The following ZNF268 variants were observed in gnomAD, a reference collection of about 807,000 sequenced individuals.
The protein encoded by ZNF268 is zinc finger protein 3.
In ZNF268, 20 loss-of-function variants were observed where a neutral mutation model predicts 29.3. The observed-to-expected ratio is 0.68, with a 90% confidence interval of 0.48 to 0.99. ZNF268 has a LOEUF of 0.99. ZNF268 is among the 50% of genes least tolerant of loss of function. The pLI is 0.00. For synonymous variants in ZNF268, 429 were observed against 376.9 expected (o/e 1.14, Z -1.60); for missense variants, 1,240 against 1,121.6 (o/e 1.11, Z -1.51).
chr12:133,211,271 T>C lies in ZNF268; in HGVS notation c.*6741T>C. On this transcript the variant is annotated 3_prime_UTR_variant, in exon 6 of 6. Transcript: ENST00000536435. ...AATTAAAAATGGGGACAGATCCAAATACATACTTTCCAAAGATATACAGAT... is the reference window on the plus strand; with the variant it reads ...AATTAAAAATGGGGACAGATCCAAACACATACTTTCCAAAGATATACAGAT... The C allele has an allele frequency of 5.7e-6, 2 of 352,142 alleles. No individual in the cohort carries two copies. Among genetic ancestry groups the C allele is most frequent in the East Asian group, 1.5e-4 (2 of 13,372 alleles). The allele number at this position is 352,142 out of a possible 1,614,324, so 21.8% of individuals were successfully genotyped here. A position where few individuals can be genotyped will look rare whatever the true frequency, so the allele number is the denominator to read the frequency against.
rs1956892661 is a variant in ZNF268 at position 133,206,008 on chromosome 12, A to AT, written c.*1482dup. ...TCCCAGAACAGCTTTTGTTACTGTC[A>AT]TTTTCTTAACTTTGTTCACTTGTCT... On this transcript the variant is annotated 3_prime_UTR_variant, in exon 6 of 6. Coordinates refer to ENST00000536435, the MANE Select transcript of ZNF268 (RefSeq NM_003415.3). 6.6e-6 allele frequency: 1 copy of AT among 152,156 alleles called. No individual in the cohort carries two copies. Among genetic ancestry groups the AT allele is most frequent in the South Asian group, 2.1e-4 (1 of 4,832 alleles). 9.4% of individuals were successfully genotyped at this position (152,156 alleles called of 1,614,324 possible). A position where few individuals can be genotyped will look rare whatever the true frequency, so the allele number is the denominator to read the frequency against.
At position 133,207,183 on chromosome 12, in the gene ZNF268, C is replaced by CT; in HGVS notation, c.*2657dup. The CT allele has an allele frequency of 6.6e-6, 1 of 152,266 alleles. No individual in the cohort carries two copies. The highest frequency in any genetic ancestry group is 2.1e-4 in the South Asian group (1 of 4,828). 9.4% of individuals were successfully genotyped at this position (152,266 alleles called of 1,614,324 possible). A position where few individuals can be genotyped will look rare whatever the true frequency, so the allele number is the denominator to read the frequency against. Reference sequence around the variant, plus strand: ...CCAGAAAAGAAAGACATTCCAGAGACTTTTCAGGAATAGTTATTATAAGGA... The same window carrying CT: ...CCAGAAAAGAAAGACATTCCAGAGACTTTTTCAGGAATAGTTATTATAAGGA... On this transcript the variant is annotated 3_prime_UTR_variant, in exon 6 of 6. Coordinates refer to ENST00000536435, the MANE Select transcript of ZNF268 (RefSeq NM_003415.3).
At chr12:133,191,414 T>C in intron 3 of ZNF268, 75 bp from the exon 4 acceptor site, 4 of 1,564,210 alleles carry the variant, frequency 2.6e-6, no homozygotes, top group South Asian at 1.1e-5. Context: ...ACATAAATAA[T>C]GGACACCCTA....
At chr12:133,186,416 T>C (rs1375016906) in intron 2 of ZNF268, among the ~76,000 whole-genome samples, 1 of 150,558 alleles carries the variant, frequency 6.6e-6, no homozygotes, top group African/African-American at 2.5e-5. Context: ...GGAGTCTCAC[T>C]CTGTTGCCCA....
Position 133,204,059 on chromosome 12 carries a change from C to T in ZNF268, c.2373C>T (p.Ser791=). The change falls in exon 6 of 6, where the codon AGC becomes AGT. Residue 791 remains serine (S), a synonymous_variant. Coordinates refer to ENST00000536435, the MANE Select transcript of ZNF268 (RefSeq NM_003415.3). ...GTGAATGTGGGAAAGCTTTTAGCAGCAAGTCATACCTAATTATACACATGA... is the reference window on the plus strand; with the variant it reads ...GTGAATGTGGGAAAGCTTTTAGCAGTAAGTCATACCTAATTATACACATGA... ...GCSECGKAFS[S]KSYLIIHMRT... The T allele has an allele frequency of 3.2e-6, 5 of 1,560,622 alleles. No individual in the cohort carries two copies. The highest frequency in any genetic ancestry group is 1.4e-5 in the African/African-American group (1 of 73,144).
At position 133,202,336 on chromosome 12, in the gene ZNF268, G is replaced by GTGA. The variant is rs773851723; in HGVS notation, c.652_654dup (p.Asp218dup). The GTGA allele has an allele frequency of 1.2e-6, 2 of 1,611,650 alleles. No individual in the cohort carries two copies. The highest frequency in any genetic ancestry group is 2.2e-5 in the South Asian group (2 of 90,780). On this transcript the variant is annotated inframe_insertion, in exon 6 of 6. Transcript: ENST00000536435. ...AGTTTGAAATATATAGATTTCACTA[G>GTGA]TGATTATGCTAGAAATAATCCTAAT...
At chr12:133,200,610 A>G (rs1956730391) in intron 5 of ZNF268, among the ~76,000 whole-genome samples, 1 of 151,738 alleles carries the variant, frequency 6.6e-6, no homozygotes, top group Admixed American at 6.6e-5. Flanking sequence ...GCATCTATCT[A>G]TTTTCTACTC....
intron 2 of ZNF268, among the ~76,000 whole-genome samples, chr12:133,186,157 CT>C (rs1385742814): frequency 7.2e-5 from 11 of 152,076 alleles, no homozygotes; most frequent in Admixed American, 6.6e-4. Flanking sequence ...GGTGGCACCC[CT>C]GGTCAATGTA....
intron 2 of ZNF268, chr12:133,184,598 C>T (rs751883455): frequency 1.2e-4 from 44 of 358,852 alleles, no homozygotes; most frequent in African/African-American, 4.6e-4. Context: ...ATTAAAAGGC[C>T]GCACCTCTTT....
Position 133,191,754 on chromosome 12 carries a change from G to A in ZNF268, c.361+139G>A, listed in dbSNP as rs754146919. On this transcript the variant is annotated intron_variant, in intron 4 of 5. Transcript: ENST00000536435. ...GCCAGATTTTCTTAGTTCCCTATTG[G>A]CAGCAGAGTATGCCAGTTGAATGGT... is the stretch of plus-strand genomic sequence containing the variant. 4.1e-6 allele frequency: 6 copies of A among 1,459,096 alleles called. No homozygotes were observed. The African/African-American group carries it at 5.6e-5, about 14-fold the overall frequency. The allele number at this position is 1,459,096 out of a possible 1,614,324, so 90.4% of individuals were successfully genotyped here.
intron 5 of ZNF268, among the ~76,000 whole-genome samples, chr12:133,197,133 C>T (rs1956625926): frequency 6.6e-6 from 1 of 150,496 alleles, no homozygotes; most frequent in Admixed American, 6.7e-5. Flanking sequence ...GTGTGCTGCA[C>T]CCACTAATTC....
intron 3 of ZNF268, among the ~76,000 whole-genome samples, chr12:133,191,071 C>T (rs1956457257): frequency 6.6e-6 from 1 of 152,060 alleles, no homozygotes; most frequent in South Asian, 2.1e-4. Context: ...AATCCTAGCA[C>T]TTTGGGAGGC....
At chr12:133,189,156 T>C (rs1342740370) in intron 3 of ZNF268, among the ~76,000 whole-genome samples, 2 of 152,094 alleles carry the variant, frequency 1.3e-5, no homozygotes, top group African/African-American at 4.8e-5. Flanking sequence ...TTTAGATTTA[T>C]ATGTAAGTTC....
intron 5 of ZNF268, among the ~76,000 whole-genome samples, chr12:133,200,403 T>A (rs1956724558): frequency 1.3e-5 from 2 of 152,228 alleles, no homozygotes. Flanking sequence ...TAGTTTGTTA[T>A]AATTTCTGTT....
intron 5 of ZNF268, among the ~76,000 whole-genome samples, chr12:133,194,673 T>C (rs1956553791): frequency 1.3e-5 from 2 of 152,212 alleles, no homozygotes; most frequent in African/African-American, 4.8e-5. Flanking sequence ...AGATAAATTA[T>C]GCTTTACCTT....
rs1956998902 is a variant in ZNF268, at chr12:133,212,487, A to ATATG, written c.*7960_*7961insGTAT. On this transcript the variant is annotated 3_prime_UTR_variant, in exon 6 of 6. Coordinates refer to ENST00000536435, the MANE Select transcript of ZNF268 (RefSeq NM_003415.3). ...TATATATATATATATATATATATAT[A>ATATG]TATATATATATGTATATATACACAC... 1 of 21,890 alleles carries ATATG rather than the reference A, an allele frequency of 4.6e-5. No individual in the cohort carries two copies. The highest frequency in any genetic ancestry group is 3.7e-3 in the East Asian group (1 of 272). The allele number at this position is 21,890 out of a possible 1,614,324, so 1.4% of individuals were successfully genotyped here.
chr12:133,197,106 G>T (rs530037527), intron 5 of ZNF268, among the ~76,000 whole-genome samples: 8 of 147,070 alleles, frequency 5.4e-5, no homozygotes, highest in African/African-American at 2.0e-4. Flanking sequence ...TTACATATGT[G>T]TACATGTGCC....
rs763571717 is a variant in ZNF268, at chr12:133,211,048, C to T, written c.*6518C>T. On this transcript the variant is annotated 3_prime_UTR_variant, in exon 6 of 6. Transcript: ENST00000536435. ...TGAAATAGAGTCCATCATTCCATGC[C>T]TTAATTGGAATGGATAGAGATAATA... 2.2e-6 allele frequency: 1 copy of T among 455,882 alleles called. No individual in the cohort carries two copies. Among genetic ancestry groups the T allele is most frequent in the African/African-American group, 2.0e-5 (1 of 50,102 alleles). The allele number at this position is 455,882 out of a possible 1,614,324, so 28.2% of individuals were successfully genotyped here. A position where few individuals can be genotyped will look rare whatever the true frequency, so the allele number is the denominator to read the frequency against.
rs2135539158 is a variant in ZNF268 at position 133,212,586 on chromosome 12, T to G, written c.*8056T>G. On this transcript the variant is annotated 3_prime_UTR_variant, in exon 6 of 6. Coordinates refer to ENST00000536435, the MANE Select transcript of ZNF268 (RefSeq NM_003415.3). ...ATACACATATATATAATAAGAACATTTACCATTTTAACTATTTTTAAGTGT... is the reference window on the plus strand; with the variant it reads ...ATACACATATATATAATAAGAACATGTACCATTTTAACTATTTTTAAGTGT... 1 of 150,160 alleles carries G rather than the reference T, an allele frequency of 6.7e-6. No homozygotes were observed. The highest frequency in any genetic ancestry group is 3.4e-3 in the Middle Eastern group (1 of 290). The allele number at this position is 150,160 out of a possible 1,614,324, so 9.3% of individuals were successfully genotyped here. A position where few individuals can be genotyped will look rare whatever the true frequency, so the allele number is the denominator to read the frequency against.
Sources: gnomAD v4.1 joint callset for allele counts (sites outside exome capture counted in the v4.1 genomes callset) on GRCh38, gnomAD v4.1.1 for gene constraint, MANE v1.5 for transcripts, NCBI Gene and HGNC (gene_info 2026-07-23, HGNC 2026-07-21) for gene names.